The following CNTNAP2 variants were observed in gnomAD, a reference collection of about 807,000 sequenced individuals.
CNTNAP2 encodes contactin associated protein 2, also known as contactin-associated protein-like 2.
CNTNAP2 carries 98 observed loss-of-function variants against 155.2 expected under a neutral mutation model. That is an observed-to-expected ratio of 0.63 (90% CI 0.54 to 0.75). CNTNAP2 has a LOEUF of 0.75. CNTNAP2 is among the 30% of genes least tolerant of loss of function. The pLI, the probability that CNTNAP2 is intolerant of heterozygous loss-of-function variation, is 0.00. For missense variants in CNTNAP2, 1,727 were observed against 1,688.1 expected (o/e 1.02, Z -0.40); for synonymous variants, 651 against 631.2 (o/e 1.03, Z -0.47).
intron 1 of CNTNAP2, among the ~76,000 whole-genome samples, chr7:146,299,275 A>C (rs894640246): frequency 1.3e-5 from 2 of 152,204 alleles, no homozygotes; most frequent in Admixed American, 6.6e-5. Context: ...CCATCTAAAA[A>C]AATAAAAATA....
At chr7:146,970,112 A>G (rs1306477036) in intron 3 of CNTNAP2, among the ~76,000 whole-genome samples, 2 of 152,236 alleles carry the variant, frequency 1.3e-5, no homozygotes, top group Non-Finnish European at 2.9e-5. Flanking sequence ...AAACCCTAGA[A>G]GAAAACCTAG....
chr7:146,182,910 C>A (rs1161770305), intron 1 of CNTNAP2, among the ~76,000 whole-genome samples: 1 of 152,150 alleles, frequency 6.6e-6, no homozygotes, highest in African/African-American at 2.4e-5. Flanking sequence ...TCCTGCTCAT[C>A]TTTCTATGTC....
At chr7:147,637,228 A>G (rs976614739) in intron 12 of CNTNAP2, among the ~76,000 whole-genome samples, 1 of 152,104 alleles carries the variant, frequency 6.6e-6, no homozygotes, top group African/African-American at 2.4e-5. Flanking sequence ...TGTTGAGTGT[A>G]GATGTGAGGA....
At chr7:147,721,095 A>G (rs1412101817) in intron 13 of CNTNAP2, among the ~76,000 whole-genome samples, 1 of 152,128 alleles carries the variant, frequency 6.6e-6, no homozygotes, top group African/African-American at 2.4e-5. Context: ...CACCTAAGAC[A>G]TAGTGTCTTA....
At chr7:147,998,540 T>C (rs1231828557) in intron 15 of CNTNAP2, among the ~76,000 whole-genome samples, 1 of 152,180 alleles carries the variant, frequency 6.6e-6, no homozygotes, top group Non-Finnish European at 1.5e-5. Context: ...GGTGAGAAGA[T>C]GCATCTCTTT....
chr7:148,302,243 A>G (rs1797403522), intron 21 of CNTNAP2, among the ~76,000 whole-genome samples: 1 of 152,212 alleles, frequency 6.6e-6, no homozygotes, highest in Admixed American at 6.5e-5. Context: ...TAATGAGTTA[A>G]AGAACTGAGC....
chr7:146,490,245 T>C (rs1169256734), intron 1 of CNTNAP2, among the ~76,000 whole-genome samples: 2 of 152,232 alleles, frequency 1.3e-5, no homozygotes, highest in Non-Finnish European at 2.9e-5. Flanking sequence ...ATATTTTATA[T>C]ATCTCAGACA....
At chr7:148,237,521 A>G (rs1381734413) in intron 20 of CNTNAP2, among the ~76,000 whole-genome samples, 1 of 152,220 alleles carries the variant, frequency 6.6e-6, no homozygotes, top group Admixed American at 6.5e-5. Context: ...ATGCTAGCAG[A>G]GTGACTATTT....
intron 10 of CNTNAP2, among the ~76,000 whole-genome samples, chr7:147,425,629 G>A (rs1343033443): frequency 1.3e-5 from 2 of 151,888 alleles, no homozygotes; most frequent in African/African-American, 4.8e-5. Flanking sequence ...CCTAACTTCT[G>A]GATCTTTCTC....
chr7:147,128,402 T>G (rs541700275), intron 6 of CNTNAP2, among the ~76,000 whole-genome samples: 1 of 152,346 alleles, frequency 6.6e-6, no homozygotes, highest in East Asian at 1.9e-4. Flanking sequence ...TGAATAAAAA[T>G]CTTTTAAAAT....
At chr7:146,402,239 GT>G (rs1584908300) in intron 1 of CNTNAP2, among the ~76,000 whole-genome samples, 1 of 152,134 alleles carries the variant, frequency 6.6e-6, no homozygotes, top group African/African-American at 2.4e-5. Flanking sequence ...TTGATACTGT[GT>G]TTTGTAGAGC....
chr7:148,259,508 C>T (rs556113579), intron 20 of CNTNAP2, among the ~76,000 whole-genome samples: 7 of 152,184 alleles, frequency 4.6e-5, no homozygotes, highest in Admixed American at 2.0e-4. Context: ...CTAAAATTAA[C>T]GATTAGGAAA....
intron 1 of CNTNAP2, among the ~76,000 whole-genome samples, chr7:146,656,627 C>T (rs1799999580): frequency 6.6e-6 from 1 of 152,126 alleles, no homozygotes; most frequent in South Asian, 2.1e-4. Context: ...GAGAAAGAAA[C>T]ACAAAAGCAG....
rs140985297 is a variant in CNTNAP2, at chr7:146,130,227, C to T, written c.97+13254C>T. On this transcript the variant is annotated intron_variant, in intron 1 of 23. Coordinates refer to ENST00000361727, the MANE Select transcript of CNTNAP2 (RefSeq NM_014141.6). ...GTATTATCCCAGCACTTTGGGAGGC[C>T]GAGGCAAGAGGATTGCTTGAGGCCA... Among the ~76,000 whole-genome samples the T allele has an allele frequency of 5.5e-3, 839 of 152,168 alleles. 9 individuals are homozygous for T. Among genetic ancestry groups the T allele is most frequent in the Non-Finnish European group, 8.5e-3 (580 of 68,006 alleles).
At chr7:146,799,743 C>A (rs1012111913) in intron 2 of CNTNAP2, among the ~76,000 whole-genome samples, 1 of 152,156 alleles carries the variant, frequency 6.6e-6, no homozygotes, top group Non-Finnish European at 1.5e-5. Flanking sequence ...CTGAACCTTT[C>A]TCTGCTGCTA....
At chr7:148,242,791 T>C (rs1437727380) in intron 20 of CNTNAP2, among the ~76,000 whole-genome samples, 40 of 152,238 alleles carry the variant, frequency 2.6e-4, no homozygotes, top group South Asian at 2.1e-4. Flanking sequence ...TTATGAATCA[T>C]GGATTCTGTG....
Position 146,987,290 on chromosome 7 carries a change from A to G in CNTNAP2, c.403-56617A>G, listed in dbSNP as rs536888126. On this transcript the variant is annotated intron_variant, in intron 3 of 23. Transcript: ENST00000361727. ...TTTGTAAAGGCCATTTGAGATGACAATTTTTGAACTACTTTATTTTAAAAG... is the reference window on the plus strand; with the variant it reads ...TTTGTAAAGGCCATTTGAGATGACAGTTTTTGAACTACTTTATTTTAAAAG... Among the ~76,000 whole-genome samples, 17 of 152,272 alleles carry G rather than the reference A, an allele frequency of 1.1e-4. No homozygotes were observed. In the South Asian group the frequency reaches 3.3e-3, roughly 30 times the overall value.
chr7:147,427,629 C>T (rs188389104), intron 10 of CNTNAP2, among the ~76,000 whole-genome samples: 54 of 152,210 alleles, frequency 3.5e-4, no homozygotes, highest in African/African-American at 1.3e-3. Context: ...TAAACTACAT[C>T]ATATTCACAT....
chr7:146,387,328 T>A (rs73738735), intron 1 of CNTNAP2, among the ~76,000 whole-genome samples: 2,083 of 152,228 alleles, frequency 0.014, 44 homozygotes, highest in African/African-American at 0.047. Flanking sequence ...ACATTCAAGA[T>A]CCTTGTCAGC....
Sources: gnomAD v4.1 joint callset for allele counts (sites outside exome capture counted in the v4.1 genomes callset) on GRCh38, gnomAD v4.1.1 for gene constraint, MANE v1.5 for transcripts, NCBI Gene and HGNC (gene_info 2026-07-23, HGNC 2026-07-21) for gene names.